TRPC4: variants seen among roughly 807,000 people sequenced by gnomAD.
TRPC4 encodes the protein short transient receptor potential channel 4.
TRPC4 carries 49 observed loss-of-function variants against 99.4 expected under a neutral mutation model. That is an observed-to-expected ratio of 0.49 (90% CI 0.39 to 0.63). The LOEUF is 0.63. Ranked by LOEUF, TRPC4 falls within the 20% of genes least tolerant of loss-of-function variation. The pLI is 0.00. For synonymous variants in TRPC4, 454 were observed against 425.9 expected, an observed-to-expected ratio of 1.07 and a Z score of -0.81; for missense variants, 898 against 1,152.9, an observed-to-expected ratio of 0.78 and a Z score of 3.20.
chr13:37,675,499 A>G (rs1376042879), intron 4 of TRPC4, among the ~76,000 whole-genome samples: 1 of 152,150 alleles, frequency 6.6e-6, no homozygotes, highest in East Asian at 1.9e-4. Context: ...GCTCTTCTTC[A>G]TGGACCCTAT....
chr13:37,820,002 C>A (rs533497666), intron 1 of TRPC4, among the ~76,000 whole-genome samples: 2 of 151,538 alleles, frequency 1.3e-5, no homozygotes, highest in East Asian at 1.9e-4. Context: ...ATCAACAAAT[C>A]CAGGAGTTTG....
At chr13:37,667,996 C>G (rs939958843) in intron 5 of TRPC4, among the ~76,000 whole-genome samples, 1 of 152,158 alleles carries the variant, frequency 6.6e-6, no homozygotes, top group African/African-American at 2.4e-5. Context: ...AGATGCCATA[C>G]GGGTTTACAA....
intron 3 of TRPC4, among the ~76,000 whole-genome samples, chr13:37,704,666 T>A (rs1954209509): frequency 6.6e-6 from 1 of 152,018 alleles, no homozygotes; most frequent in African/African-American, 2.4e-5. Context: ...AATAAATAAA[T>A]AAAACAAGTC....
At chr13:37,733,700 G>C (rs570963057) in intron 3 of TRPC4, among the ~76,000 whole-genome samples, 5 of 151,946 alleles carry the variant, frequency 3.3e-5, no homozygotes, top group Admixed American at 1.3e-4. Flanking sequence ...CCTAATTTCA[G>C]CTTCTGCCCA....
chr13:37,694,977 A>G (rs1953860561), intron 3 of TRPC4, among the ~76,000 whole-genome samples: 1 of 152,168 alleles, frequency 6.6e-6, no homozygotes, highest in Non-Finnish European at 1.5e-5. Flanking sequence ...CATTCCCTAA[A>G]TTGTATCCCA....
rs143322450 is a variant in TRPC4, at chr13:37,748,894, A to G, written c.379-2439T>C. Among the ~76,000 whole-genome samples the G allele has an allele frequency of 8.8e-3, 1,338 of 152,234 alleles. 22 individuals carry two copies. The highest frequency in any genetic ancestry group is 0.03 in the African/African-American group (1,239 of 41,558). ...TTTGAGTTTTAATACTCAATAAACC[A>G]TTGCACTGGTTTGTTGAATGGTCAA... On this transcript the variant is annotated intron_variant, in intron 2 of 10. Coordinates refer to ENST00000379705, the MANE Select transcript of TRPC4 (RefSeq NM_016179.4).
At chr13:37,816,521 T>A (rs1010361648) in intron 1 of TRPC4, among the ~76,000 whole-genome samples, 2 of 151,902 alleles carry the variant, frequency 1.3e-5, no homozygotes, top group Admixed American at 6.6e-5. Context: ...CCTCCCTAAC[T>A]CATTCAATGA....
chr13:37,760,170 T>C (rs970926447), intron 2 of TRPC4, among the ~76,000 whole-genome samples: 1 of 151,988 alleles, frequency 6.6e-6, no homozygotes, highest in Admixed American at 6.6e-5. Flanking sequence ...ATTATCTCTA[T>C]CTGAACTACT....
At chr13:37,776,771 A>T (rs1380641921) in intron 2 of TRPC4, among the ~76,000 whole-genome samples, 1 of 151,966 alleles carries the variant, frequency 6.6e-6, no homozygotes, top group Non-Finnish European at 1.5e-5. Flanking sequence ...AATGAATACA[A>T]GAGTTAAAAG....
chr13:37,710,222 T>C (rs539173165), intron 3 of TRPC4, among the ~76,000 whole-genome samples: 1 of 152,058 alleles, frequency 6.6e-6, no homozygotes, highest in African/African-American at 2.4e-5. Context: ...TTGTCAGACT[T>C]CTACTCTCTT....
intron 2 of TRPC4, 85 bp from the exon 3 acceptor site, chr13:37,746,540 G>A (rs539728590): frequency 4.9e-6 from 7 of 1,434,954 alleles, no homozygotes; most frequent in Non-Finnish European, 4.6e-6. Context: ...TAGCAATATG[G>A]AACAGGGTTT....
intron 1 of TRPC4, chr13:37,855,032 GAC>G (rs1347439108): frequency 1.3e-5 from 2 of 151,622 alleles, no homozygotes; most frequent in Non-Finnish European, 2.9e-5. Flanking sequence ...TCAATCAAAA[GAC>G]ACAGTATGGC....
At chr13:37,750,323 T>C (rs769369960) in intron 2 of TRPC4, among the ~76,000 whole-genome samples, 26 of 152,166 alleles carry the variant, frequency 1.7e-4, no homozygotes, top group Non-Finnish European at 3.4e-4. Flanking sequence ...TACATGTATG[T>C]TGATTTTGTT....
At chr13:37,759,218 C>T (rs372486045) in intron 2 of TRPC4, among the ~76,000 whole-genome samples, 6 of 151,852 alleles carry the variant, frequency 4.0e-5, no homozygotes, top group South Asian at 2.1e-4. Context: ...AAACAATCTT[C>T]TACCCAAGCA....
intron 1 of TRPC4, among the ~76,000 whole-genome samples, chr13:37,803,585 G>A (rs1957459685): frequency 6.6e-6 from 1 of 152,096 alleles, no homozygotes; most frequent in Middle Eastern, 3.2e-3. Flanking sequence ...ATCAGACACT[G>A]TAGTATACTG....
At chr13:37,765,751 T>C (rs1007879648) in intron 2 of TRPC4, among the ~76,000 whole-genome samples, 2 of 151,504 alleles carry the variant, frequency 1.3e-5, no homozygotes, top group East Asian at 2.0e-4. Context: ...CTGTATTAAA[T>C]ATAGAAGATT....
chr13:37,860,531 A>G (rs1959239676), intron 1 of TRPC4, among the ~76,000 whole-genome samples: 1 of 151,504 alleles, frequency 6.6e-6, no homozygotes, highest in Non-Finnish European at 1.5e-5. Flanking sequence ...TACATAGACT[A>G]GGAAGAAATG....
rs539472482 is a variant in TRPC4, at chr13:37,807,964, A to G, written c.-27-24604T>C. Among the ~76,000 whole-genome samples, 388 of 152,234 alleles carry G rather than the reference A, an allele frequency of 2.5e-3. 1 individual carries two copies. The highest frequency in any genetic ancestry group is 9.1e-3 in the African/African-American group (378 of 41,582). ...CTTGTGGTCATAGGAGATGTCAGAC[A>G]TTCCTAGTTATGGACCTCTTTCAGT... On this transcript the variant is annotated intron_variant, in intron 1 of 10. Coordinates refer to ENST00000379705, the MANE Select transcript of TRPC4 (RefSeq NM_016179.4).
chr13:37,706,059 C>A (rs1401935152), intron 3 of TRPC4, among the ~76,000 whole-genome samples: 1 of 152,112 alleles, frequency 6.6e-6, no homozygotes, highest in East Asian at 1.9e-4. Flanking sequence ...ACAATTGCAC[C>A]TATCCCCTAT....
Sources: gnomAD v4.1 joint callset for allele counts (sites outside exome capture counted in the v4.1 genomes callset) on GRCh38, gnomAD v4.1.1 for gene constraint, MANE v1.5 for transcripts, NCBI Gene and HGNC (gene_info 2026-07-23, HGNC 2026-07-21) for gene names.